NBEA: variants seen among roughly 807,000 people sequenced by gnomAD.
NBEA encodes the protein lysosomal-trafficking regulator 2.
A neutral mutation model predicts 343.4 loss-of-function variants in NBEA; 44 were observed. The ratio of observed to expected loss-of-function variants is 0.13; its 90% CI spans 0.10 to 0.16. NBEA has a LOEUF of 0.16. NBEA is among the 10% of genes least tolerant of loss of function. NBEA has a pLI of 1.00. For synonymous variants in NBEA, 1,175 were observed against 1,238.7 expected, an observed-to-expected ratio of 0.95 and a Z score of 1.08; for missense variants, 2,555 against 3,631.3, an observed-to-expected ratio of 0.70 and a Z score of 7.62.
intron 13 of NBEA, among the ~76,000 whole-genome samples, chr13:35,115,529 T>C (rs2066450535): frequency 6.6e-6 from 1 of 152,176 alleles, no homozygotes; most frequent in African/African-American, 2.4e-5. Flanking sequence ...TACTATGTTT[T>C]ACTCTTGCTA....
At chr13:35,475,872 C>G (rs770601712) in intron 41 of NBEA, 1 of 1,614,068 alleles carries the variant, frequency 6.2e-7, no homozygotes, top group East Asian at 2.2e-5. Context: ...AGCCATCGTC[C>G]ACGAAGTTGA....
At chr13:35,317,404 C>T (rs548129246) in intron 36 of NBEA, among the ~76,000 whole-genome samples, 9 of 152,218 alleles carry the variant, frequency 5.9e-5, no homozygotes, top group African/African-American at 2.2e-4. Flanking sequence ...TGTCAAAGAT[C>T]AGATAGTTGT....
intron 1 of NBEA, among the ~76,000 whole-genome samples, chr13:35,014,775 C>T (rs2061594698): frequency 6.6e-6 from 1 of 151,920 alleles, no homozygotes; most frequent in South Asian, 2.1e-4. Flanking sequence ...AGGGGCGGGG[C>T]CCTACCTGTT....
chr13:34,969,784 T>C (rs2059942845), intron 1 of NBEA, among the ~76,000 whole-genome samples: 1 of 151,784 alleles, frequency 6.6e-6, no homozygotes, highest in African/African-American at 2.4e-5. Flanking sequence ...TTTTTTTTTA[T>C]CCAGTCTATC....
chr13:35,621,654 A>G (rs985492144), intron 48 of NBEA, among the ~76,000 whole-genome samples: 2 of 152,114 alleles, frequency 1.3e-5, no homozygotes, highest in East Asian at 1.9e-4. Context: ...CAGATGGCCA[A>G]TCAATATTTG....
In NBEA at chr13:35,070,767, A is replaced by T; in HGVS notation, c.1486A>T (p.Ile496Phe). 2 of 1,609,564 alleles carry T rather than the reference A, an allele frequency of 1.2e-6. No homozygotes were observed. The highest frequency in any genetic ancestry group is 2.2e-5 in the East Asian group (1 of 44,722). ...TTCAATTCATAGTGCAATTCATTCAATTGGAGGGATTCAAGTGCTTTTTCC... is the reference window on the plus strand; with the variant it reads ...TTCAATTCATAGTGCAATTCATTCATTTGGAGGGATTCAAGTGCTTTTTCC... ...THSIHSAIHSIGGIQVLFPLF... is the reference protein window; with the variant it reads ...THSIHSAIHSFGGIQVLFPLF... Residue 496 changes from isoleucine (I) to phenylalanine (F), a missense_variant, in exon 10 of 59, where the codon ATT (isoleucine) becomes TTT (phenylalanine). Coordinates refer to ENST00000379939, the MANE Select transcript of NBEA (RefSeq NM_001385012.1).
chr13:35,163,657 C>T (rs1467645783), intron 23 of NBEA, among the ~76,000 whole-genome samples: 12 of 151,552 alleles, frequency 7.9e-5, no homozygotes, highest in South Asian at 4.2e-4. Context: ...TGACACCAAA[C>T]GAAAGCAGGG....
At chr13:35,524,159 C>A (rs2077854759) in intron 41 of NBEA, among the ~76,000 whole-genome samples, 1 of 152,216 alleles carries the variant, frequency 6.6e-6, no homozygotes, top group Non-Finnish European at 1.5e-5. Context: ...TAAAGCCTCA[C>A]ATTGCTCCCT....
chr13:35,104,160 C>A (rs1255626604), intron 11 of NBEA, among the ~76,000 whole-genome samples: 2 of 151,816 alleles, frequency 1.3e-5, no homozygotes, highest in Non-Finnish European at 2.9e-5. Context: ...CCATTGTTTC[C>A]ATCACTCTTT....
At chr13:35,332,791 A>G (rs1037017353) in intron 36 of NBEA, among the ~76,000 whole-genome samples, 3 of 152,166 alleles carry the variant, frequency 2.0e-5, no homozygotes, top group Non-Finnish European at 1.5e-5. Flanking sequence ...AAAGTATATT[A>G]TGGAGGTAAA....
chr13:35,048,990 G>A (rs929584650), intron 5 of NBEA, among the ~76,000 whole-genome samples: 2 of 151,726 alleles, frequency 1.3e-5, no homozygotes, highest in African/African-American at 4.8e-5. Context: ...AGTGAGGATT[G>A]CTGGTCCCTG....
At position 35,169,019 on chromosome 13, in the gene NBEA, T is replaced by G. The variant is rs372969665; in HGVS notation, c.4242+24T>G. 4 of 1,476,264 alleles carry G rather than the reference T, an allele frequency of 2.7e-6. No individual in the cohort carries two copies. The South Asian group carries it at 5.7e-5, about 21-fold the overall frequency. 91.4% of individuals were successfully genotyped at this position (1,476,264 alleles called of 1,614,324 possible). A position where few individuals can be genotyped will look rare whatever the true frequency, so the allele number is the denominator to read the frequency against. ...AGGTTAGTATTACTTTTGTAGTAAT[T>G]TTCAGCTTTCAGTTTCAAGTTTTAT... On this transcript the variant is annotated intron_variant, in intron 25 of 58. Transcript: ENST00000379939.
chr13:35,206,049 A>C (rs1183451788), intron 31 of NBEA, among the ~76,000 whole-genome samples: 1 of 152,064 alleles, frequency 6.6e-6, no homozygotes, highest in Non-Finnish European at 1.5e-5. Flanking sequence ...AAGCAATGAA[A>C]TATCTGGAGG....
intron 48 of NBEA, among the ~76,000 whole-genome samples, chr13:35,615,505 G>A (rs1202856245): frequency 5.9e-5 from 9 of 151,892 alleles, no homozygotes; most frequent in South Asian, 2.1e-4. Flanking sequence ...CACCACGCCC[G>A]GCTAATTTTT....
chr13:35,093,408 C>G (rs2065183207), intron 10 of NBEA, among the ~76,000 whole-genome samples: 1 of 151,350 alleles, frequency 6.6e-6, no homozygotes, highest in African/African-American at 2.4e-5. Context: ...TGTGTAAAGC[C>G]TAAGTATTAA....
intron 1 of NBEA, among the ~76,000 whole-genome samples, chr13:35,002,217 A>G (rs2061165292): frequency 6.6e-6 from 1 of 152,184 alleles, no homozygotes. Context: ...GTTTGTGGGT[A>G]CAAGGAGACT....
intron 36 of NBEA, among the ~76,000 whole-genome samples, chr13:35,319,543 G>A (rs190486210): frequency 4.1e-4 from 63 of 152,336 alleles, no homozygotes; most frequent in Admixed American, 3.1e-3. Context: ...TAAGTGCAGT[G>A]TGGTGCTGAG....
At chr13:34,963,127 G>A (rs1046809327) in intron 1 of NBEA, among the ~76,000 whole-genome samples, 5 of 151,936 alleles carry the variant, frequency 3.3e-5, no homozygotes, top group African/African-American at 1.2e-4. Context: ...TGAGTCTCTT[G>A]GGTTTGGCTG....
chr13:35,549,695 C>A (rs1009870372), intron 41 of NBEA, among the ~76,000 whole-genome samples: 1 of 152,140 alleles, frequency 6.6e-6, no homozygotes, highest in Non-Finnish European at 1.5e-5. Flanking sequence ...ATATATGACT[C>A]ATTTCATCAG....
Sources: allele counts gnomAD v4.1 joint callset (sites outside exome capture counted in the v4.1 genomes callset), GRCh38; gene constraint gnomAD v4.1.1; transcripts MANE v1.5; gene names NCBI Gene and HGNC (gene_info 2026-07-23, HGNC 2026-07-21).